Variants in TPR observed in about 807,000 individuals in gnomAD.
TPR encodes translocated promoter region, nuclear basket protein, also known as nucleoprotein TPR.
Under a neutral mutation model 316.1 loss-of-function variants are expected in TPR, and 51 were observed. That is an observed-to-expected ratio of 0.16 (90% CI 0.13 to 0.20). The LOEUF (loss-of-function observed/expected upper bound fraction) is 0.20, where lower values mean the gene tolerates loss of function less well. Ranked by LOEUF, TPR falls within the 10% of genes least tolerant of loss-of-function variation. The probability of loss-of-function intolerance (pLI) is 1.00; values close to 1 mark genes in which losing one functional copy is unlikely to be tolerated. For synonymous variants in TPR, 981 were observed against 914.7 expected (o/e 1.07, Z -1.31); for missense variants, 2,272 against 2,754.8 (o/e 0.82, Z 3.92).
chr1:186,349,444 G>A (rs528606801), intron 21 of TPR, among the ~76,000 whole-genome samples: 1 of 152,052 alleles, frequency 6.6e-6, no homozygotes, highest in South Asian at 2.1e-4. Flanking sequence ...ACAAGGTCAG[G>A]AGATCGAGAC....
chr1:186,340,386 T>C (rs941038673), intron 29 of TPR, among the ~76,000 whole-genome samples: 3 of 152,132 alleles, frequency 2.0e-5, no homozygotes, highest in African/African-American at 7.2e-5. Flanking sequence ...AGTGAACAAG[T>C]CTTTTTAAAG....
intron 1 of TPR, among the ~76,000 whole-genome samples, chr1:186,374,088 G>C (rs1385711438): frequency 6.6e-6 from 1 of 152,122 alleles, no homozygotes. Context: ...CACTTTTTTT[G>C]AAGTAAAAAC....
chr1:186,331,251 T>TA (rs1553228487), intron 39 of TPR, among the ~76,000 whole-genome samples: 2 of 152,052 alleles, frequency 1.3e-5, no homozygotes, highest in Non-Finnish European at 2.9e-5. Flanking sequence ...CTCACAACTC[T>TA]AAAAAATCTG....
chr1:186,331,604 A>G, intron 38 of TPR, 23 bp from the exon 39 acceptor site: 2 of 1,530,304 alleles, frequency 1.3e-6, no homozygotes, highest in Non-Finnish European at 1.8e-6. Flanking sequence ...ACACTAATAT[A>G]TTAACCATAT....
chr1:186,362,422 A>T (rs1381856432), intron 6 of TPR, 42 bp from the exon 7 acceptor site: 7 of 1,479,208 alleles, frequency 4.7e-6, no homozygotes, highest in Admixed American at 1.7e-5. Context: ...ATGTCATATT[A>T]ACTGAAATTA....
intron 13 of TPR, 112 bp downstream of exon 13, chr1:186,358,427 CTAAT>C (rs1277829556): frequency 6.6e-5 from 47 of 714,458 alleles, no homozygotes; most frequent in Non-Finnish European, 9.9e-5. Context: ...AGTACTATTC[CTAAT>C]TAATTAGAAT....
At chr1:186,330,027 A>T (rs1658112949) in intron 39 of TPR, among the ~76,000 whole-genome samples, 1 of 152,100 alleles carries the variant, frequency 6.6e-6, no homozygotes, top group African/African-American at 2.4e-5. Flanking sequence ...TAAATTAGTT[A>T]ATAAATAAAA....
chr1:186,360,065 A>G (rs1659138117), intron 11 of TPR, 69 bp from the exon 12 acceptor site: 5 of 1,505,298 alleles, frequency 3.3e-6, no homozygotes, highest in African/African-American at 1.4e-5. Flanking sequence ...ATCTAGTTTC[A>G]TAATAAACAT....
chr1:186,364,419 GC>G (rs934656035), intron 4 of TPR, among the ~76,000 whole-genome samples: 1 of 151,818 alleles, frequency 6.6e-6, no homozygotes, highest in Non-Finnish European at 1.5e-5. Flanking sequence ...AATTCGTAAA[GC>G]CATCACTGCA....
chr1:186,339,813 A>T, intron 29 of TPR, 41 bp from the exon 30 acceptor site: 1 of 1,512,710 alleles, frequency 6.6e-7, no homozygotes, highest in Non-Finnish European at 8.9e-7. Context: ...TTTAGGTTTT[A>T]TGAAACAAAT....
intron 3 of TPR, among the ~76,000 whole-genome samples, chr1:186,369,099 T>C (rs959007582): frequency 1.3e-5 from 2 of 152,210 alleles, no homozygotes; most frequent in African/African-American, 4.8e-5. Context: ...TTCTATTCCA[T>C]TGGTCACTTT....
intron 26 of TPR, 149 bp from the exon 27 acceptor site, chr1:186,343,622 T>C: frequency 1.2e-6 from 1 of 824,672 alleles, no homozygotes; most frequent in African/African-American, 1.7e-5. Flanking sequence ...GAGATGTATT[T>C]CTATTTTCTT....
intron 24 of TPR, among the ~76,000 whole-genome samples, chr1:186,345,209 A>G (rs1183524153): frequency 6.6e-6 from 1 of 152,188 alleles, no homozygotes; most frequent in Non-Finnish European, 1.5e-5. Context: ...ATGCATTAAC[A>G]ATGTTATCAA....
intron 21 of TPR, among the ~76,000 whole-genome samples, chr1:186,349,524 G>GT (rs1262461280): frequency 6.6e-6 from 1 of 151,632 alleles, no homozygotes; most frequent in Non-Finnish European, 1.5e-5. Context: ...GCTGTGCGTT[G>GT]TGGCGGCCGC....
Position 186,360,054 on chromosome 1 carries a change from G to C in TPR, c.1192-58C>G, listed in dbSNP as rs1659137858. On this transcript the variant is annotated intron_variant, in intron 11 of 50. Coordinates refer to ENST00000367478, the MANE Select transcript of TPR (RefSeq NM_003292.3). The stretch of plus-strand genomic sequence containing the variant: ...ACCATAACAACGCAAATATTTAGTT[G>C]ATCTAGTTTCATAATAAACATTCTT... The C allele has an allele frequency of 3.9e-6, 6 of 1,532,766 alleles. No individual in the cohort carries two copies. The South Asian group carries it at 7.1e-5, about 18-fold the overall frequency. 94.9% of individuals were successfully genotyped at this position (1,532,766 alleles called of 1,614,324 possible).
chr1:186,321,946 G>C (rs781263466), intron 45 of TPR, among the ~76,000 whole-genome samples: 2 of 152,120 alleles, frequency 1.3e-5, no homozygotes, highest in South Asian at 4.1e-4. Context: ...TTATGCAACA[G>C]AAATTATTCT....
At chr1:186,359,678 G>T in intron 12 of TPR, 121 bp downstream of exon 12, 1 of 980,688 alleles carries the variant, frequency 1.0e-6, no homozygotes, top group Non-Finnish European at 1.5e-6. Flanking sequence ...GTTTCAAAAT[G>T]TGTTTATTGA....
rs1311148172 is a variant in TPR at position 186,341,362 on chromosome 1, C to G, written c.3778G>C (p.Glu1260Gln). 9.3e-6 allele frequency: 15 copies of G among 1,613,186 alleles called. No individual in the cohort carries two copies. The highest frequency in any genetic ancestry group is 1.2e-5 in the Non-Finnish European group (14 of 1,179,912). ...QVTAKTMAQH[E>Q]ELMKKTETMN... ...GTTTCAGTTTTCTTCATCAGTTCTT[C>G]ATGCTGAGCCATTGTTTTTGCAGTT... The change falls in exon 28 of 51, where the codon GAA becomes CAA. Residue 1260 changes from glutamate to glutamine, a missense_variant. Around this residue, in one of 10 missense-constraint regions of TPR, gnomAD observed 757 missense variants for 859.8 expected, o/e 0.88. Transcript: ENST00000367478.
At chr1:186,374,139 A>T (rs1022551703) in intron 1 of TPR, among the ~76,000 whole-genome samples, 4 of 152,086 alleles carry the variant, frequency 2.6e-5, no homozygotes, top group Non-Finnish European at 5.9e-5. Context: ...AACAGTATGA[A>T]CCTCCCCAAA....
Sources: allele counts gnomAD v4.1 joint callset (sites outside exome capture counted in the v4.1 genomes callset), GRCh38; gene constraint gnomAD v4.1.1; regional missense constraint gnomAD v4.1.1; transcripts MANE v1.5; gene names NCBI Gene and HGNC (gene_info 2026-07-23, HGNC 2026-07-21).